The following FUT8 variants were observed in gnomAD, a reference collection of about 807,000 sequenced individuals.
FUT8 encodes alpha-(1,6)-fucosyltransferase.
A neutral mutation model predicts 71.3 loss-of-function variants in FUT8; 29 were observed. That is an observed-to-expected ratio of 0.41 (90% CI 0.30 to 0.55). The LOEUF (loss-of-function observed/expected upper bound fraction) is 0.55, where lower values mean the gene tolerates loss of function less well. Ranked by LOEUF, FUT8 falls within the 20% of genes least tolerant of loss-of-function variation. FUT8 has a pLI of 0.34. For missense variants in FUT8, 544 were observed against 702.1 expected, an observed-to-expected ratio of 0.77 and a Z score of 2.55; for synonymous variants, 254 against 239.3, an observed-to-expected ratio of 1.06 and a Z score of -0.57.
At chr14:65,487,564 CAAAA>C (rs745645710) in intron 2 of FUT8, among the ~76,000 whole-genome samples, 647 of 64,462 alleles carry the variant, frequency 0.01, 7 homozygotes, top group African/African-American at 0.032. Flanking sequence ...GACTCCGTCT[CAAAA>C]AAAAAAAAAA....
At chr14:65,633,133 C>G (rs1249104609) in intron 6 of FUT8, among the ~76,000 whole-genome samples, 1 of 152,120 alleles carries the variant, frequency 6.6e-6, no homozygotes, top group Admixed American at 6.5e-5. Context: ...ATTCTCCTGC[C>G]TCAGCCTGCC....
intron 1 of FUT8, among the ~76,000 whole-genome samples, chr14:65,442,921 C>T (rs1479036627): frequency 6.6e-6 from 1 of 151,828 alleles, no homozygotes; most frequent in African/African-American, 2.4e-5. Context: ...ACAGGGAAAT[C>T]TATAAAACTG....
At chr14:65,408,604 G>A (rs746649812), upstream of FUT8, among the ~76,000 whole-genome samples, 31 of 152,298 alleles carry the variant, frequency 2.0e-4, no homozygotes, top group Non-Finnish European at 4.1e-4. Context: ...AAGGAAGGAC[G>A]GGAGTGAATG....
intron 2 of FUT8, among the ~76,000 whole-genome samples, chr14:65,546,860 A>G (rs992268567): frequency 1.3e-5 from 2 of 151,744 alleles, no homozygotes; most frequent in Non-Finnish European, 3.0e-5. Flanking sequence ...AGTTTTCTTC[A>G]TGGGAAGATT....
the FUT8 span, among the ~76,000 whole-genome samples, chr14:65,403,743 T>G: frequency 1.3e-5 from 2 of 151,456 alleles, no homozygotes; most frequent in Non-Finnish European, 2.9e-5. Context: ...GGTTAATTTT[T>G]TTTTTTTTTT....
chr14:65,545,054 A>C (rs997814860), intron 2 of FUT8, among the ~76,000 whole-genome samples: 2 of 148,406 alleles, frequency 1.3e-5, no homozygotes, highest in African/African-American at 5.0e-5. Context: ...ATTTCAGTTT[A>C]GTTGGTTTTA....
At position 65,465,536 on chromosome 14, in the gene FUT8, A is replaced by G. The variant is rs569733931; in HGVS notation, c.-228+9818A>G. 1.6e-4 allele frequency among the ~76,000 whole-genome samples: 24 copies of G among 152,250 alleles called. No individual in the cohort carries two copies. The South Asian group carries it at 1.9e-3, about 12-fold the overall frequency. On this transcript the variant is annotated intron_variant, in intron 2 of 10. Transcript: ENST00000673929. ...AAATATTTTATAATTTCTCAAGACT[A>G]TTTTTTTGATCTACGAGTTATTTGT...
chr14:65,488,327 A>G (rs553769971), intron 2 of FUT8: 3 of 152,184 alleles, frequency 2.0e-5, no homozygotes, highest in Non-Finnish European at 4.4e-5. Context: ...TGATGATCCT[A>G]GTAGAAGTCA....
chr14:65,533,917 A>T (rs748042451), intron 2 of FUT8, among the ~76,000 whole-genome samples: 1 of 152,120 alleles, frequency 6.6e-6, no homozygotes, highest in African/African-American at 2.4e-5. Context: ...TAGTTGTGTG[A>T]TGAATCATAC....
rs112545606 is a variant in FUT8, at chr14:65,454,689, G to A, written c.-325-932G>A. ...TGTTGTTGACATAAGAGTAAAGCAAGTGGCAGAAACACACATTTCTATAGA... is the reference window on the plus strand; with the variant it reads ...TGTTGTTGACATAAGAGTAAAGCAAATGGCAGAAACACACATTTCTATAGA... On this transcript the variant is annotated intron_variant, in intron 1 of 10. Transcript: ENST00000673929. Among the ~76,000 whole-genome samples the A allele has an allele frequency of 5.8e-3, 890 of 152,294 alleles. 10 individuals carry two copies. The highest frequency in any genetic ancestry group is 0.012 in the South Asian group (58 of 4,814).
intron 7 of FUT8, among the ~76,000 whole-genome samples, chr14:65,710,322 A>C (rs1255541064): frequency 6.6e-6 from 1 of 152,226 alleles, no homozygotes; most frequent in Non-Finnish European, 1.5e-5. Context: ...AATACTGAAC[A>C]AGATTATTTG....
rs549148723 is a variant in FUT8 at position 65,646,273 on chromosome 14, G to C, written c.597+16667G>C. 7.2e-5 allele frequency among the ~76,000 whole-genome samples: 11 copies of C among 152,274 alleles called. No individual in the cohort carries two copies. In the East Asian group the frequency reaches 2.1e-3, roughly 29 times the overall value. ...AAGGGGTTCTCAGTCCTGCTCCCAAGATAGGAGATTACTTGAGAAAACCAA... is the reference window on the plus strand; with the variant it reads ...AAGGGGTTCTCAGTCCTGCTCCCAACATAGGAGATTACTTGAGAAAACCAA... On this transcript the variant is annotated intron_variant, in intron 6 of 10. Coordinates refer to ENST00000673929, the MANE Select transcript of FUT8 (RefSeq NM_001371533.1).
chr14:65,738,981 C>T (rs570861911), intron 10 of FUT8, among the ~76,000 whole-genome samples: 139 of 152,172 alleles, frequency 9.1e-4, no homozygotes, highest in African/African-American at 2.6e-3. Context: ...GGAATATATA[C>T]TCAAGAGCCT....
At chr14:65,636,256 A>T (rs1890546309) in intron 6 of FUT8, among the ~76,000 whole-genome samples, 1 of 151,414 alleles carries the variant, frequency 6.6e-6, no homozygotes, top group East Asian at 1.9e-4. Flanking sequence ...CTTGCCAATG[A>T]TCTATCAATT....
intron 6 of FUT8, among the ~76,000 whole-genome samples, chr14:65,663,268 A>G (rs1188777338): frequency 1.3e-5 from 2 of 152,064 alleles, no homozygotes; most frequent in Non-Finnish European, 2.9e-5. Flanking sequence ...ATTTGTTGCT[A>G]TTCTGGAACT....
intron 1 of FUT8, among the ~76,000 whole-genome samples, chr14:65,439,954 G>GTACGTATATATATATATA (rs1378430231): frequency 1.3e-5 from 1 of 74,984 alleles, no homozygotes; most frequent in Non-Finnish European, 2.5e-5. Context: ...GTGTGTGTGT[G>GTACGTATATATATATATA]TATATATATA....
chr14:65,574,824 T>C lies in FUT8; in HGVS notation c.203+13058T>C, dbSNP rs931425022. Among the ~76,000 whole-genome samples, 18 of 152,136 alleles carry C rather than the reference T, an allele frequency of 1.2e-4. No individual in the cohort carries two copies. Among genetic ancestry groups the C allele is most frequent in the Admixed American group, 6.5e-5 (1 of 15,272 alleles). ...TTCCCTTGGTTCCTAGTACAAAGAT[T>C]AAAGGGGCAAATAATGAGCAGATTC... On this transcript the variant is annotated intron_variant, in intron 3 of 10. Transcript: ENST00000673929. This position sits in a 1 kb window ranked among gnomAD's most constrained non-coding sequence, Gnocchi z 5.2.
chr14:65,372,338 G>A, the FUT8 span, among the ~76,000 whole-genome samples: 1 of 151,916 alleles, frequency 6.6e-6, no homozygotes, highest in Non-Finnish European at 1.5e-5. Context: ...ACGGATTTCT[G>A]TAACTGAGAT....
intron 2 of FUT8, among the ~76,000 whole-genome samples, chr14:65,484,086 A>G (rs1198395100): frequency 1.3e-5 from 2 of 152,206 alleles, no homozygotes; most frequent in African/African-American, 4.8e-5. Flanking sequence ...TGATTTTTGT[A>G]TAGTGGCATT....
Sources: allele counts gnomAD v4.1 joint callset (sites outside exome capture counted in the v4.1 genomes callset), GRCh38; gene constraint gnomAD v4.1.1; non-coding constraint Gnocchi (gnomAD v3.1); transcripts MANE v1.5; gene names NCBI Gene and HGNC (gene_info 2026-07-23, HGNC 2026-07-21).